PTPRZ1: variants seen among roughly 807,000 people sequenced by gnomAD.
PTPRZ1 encodes receptor-type tyrosine-protein phosphatase zeta.
A neutral mutation model predicts 214.1 loss-of-function variants in PTPRZ1; 82 were observed. The observed-to-expected ratio is 0.38, with a 90% CI of 0.32 to 0.46. PTPRZ1 has a LOEUF of 0.46. PTPRZ1 is among the 20% of genes least tolerant of loss of function. PTPRZ1 has a pLI of 1.00. For synonymous variants in PTPRZ1, 945 were observed against 987.9 expected (o/e 0.96, Z 0.81); for missense variants, 2,603 against 2,748.7 (o/e 0.95, Z 1.19).
rs748268551 is a variant in PTPRZ1, at chr7:122,040,824, G to A, written c.5646G>A (p.Gln1882=). Residue 1882 remains glutamine, a synonymous_variant, in exon 21 of 30, where the codon CAG becomes CAA. Transcript: ENST00000393386. ...LRNTKIKKGS[Q]KGRPSGRVVT... ...TGTCTGAACTTTTCCAGGGCTCCCA[G>A]AAAGGAAGACCCAGTGGACGTGTGG... 5.8e-6 allele frequency: 9 copies of A among 1,556,956 alleles called. No individual in the cohort carries two copies. The highest frequency in any genetic ancestry group is 7.9e-6 in the Non-Finnish European group (9 of 1,145,836).
intron 2 of PTPRZ1, among the ~76,000 whole-genome samples, chr7:121,955,429 C>CTTTGTTTGTTTGTTTGTTTG (rs71172155): frequency 1.3e-5 from 2 of 150,488 alleles, no homozygotes; most frequent in Non-Finnish European, 3.0e-5. Context: ...TCCACCAGGG[C>CTTTGTTTGTTTGTTTGTTTG]TTTGTTTGTT....
intron 6 of PTPRZ1, among the ~76,000 whole-genome samples, chr7:121,980,694 A>G (rs1373062334): frequency 3.9e-5 from 6 of 152,270 alleles, no homozygotes; most frequent in African/African-American, 1.2e-4. Flanking sequence ...AGTTTCTGTT[A>G]CAGAAAAGTT....
chr7:121,886,182 T>C (rs891852903), intron 1 of PTPRZ1, among the ~76,000 whole-genome samples: 9 of 152,068 alleles, frequency 5.9e-5, no homozygotes, highest in African/African-American at 2.2e-4. Context: ...GTGGAAGTAA[T>C]TATGCTTGAT....
intron 11 of PTPRZ1, among the ~76,000 whole-genome samples, chr7:122,005,914 G>A (rs1217622979): frequency 6.6e-6 from 1 of 151,878 alleles, no homozygotes; most frequent in Admixed American, 6.6e-5. Flanking sequence ...CACGATCCAT[G>A]CTTAGTTACT....
chr7:122,009,326 A>G (rs1798577517), intron 11 of PTPRZ1, among the ~76,000 whole-genome samples: 1 of 151,992 alleles, frequency 6.6e-6, no homozygotes, highest in African/African-American at 2.4e-5. Flanking sequence ...CAAGTTCTCA[A>G]TGGCTGTACT....
chr7:121,903,375 G>A (rs902878318), intron 1 of PTPRZ1, among the ~76,000 whole-genome samples: 6 of 151,950 alleles, frequency 3.9e-5, no homozygotes, highest in Admixed American at 6.6e-5. Flanking sequence ...TTCATTATTT[G>A]TACAATGAAA....
chr7:121,971,689 C>A (rs1156917576), intron 3 of PTPRZ1, among the ~76,000 whole-genome samples: 2 of 152,088 alleles, frequency 1.3e-5, no homozygotes, highest in African/African-American at 4.8e-5. Flanking sequence ...CATGGTACAT[C>A]GTAAGTGATA....
intron 1 of PTPRZ1, among the ~76,000 whole-genome samples, chr7:121,917,241 G>T (rs574848551): frequency 6.6e-6 from 1 of 152,332 alleles, no homozygotes; most frequent in East Asian, 1.9e-4. Context: ...AGCAAAATCA[G>T]TGATGAATAT....
At chr7:121,919,020 C>G (rs1002360280) in intron 1 of PTPRZ1, among the ~76,000 whole-genome samples, 2 of 151,846 alleles carry the variant, frequency 1.3e-5, no homozygotes, top group Admixed American at 1.3e-4. Context: ...TCATGTTAAT[C>G]TCTGTTAATC....
chr7:122,056,071 G>A (rs1406568991), intron 27 of PTPRZ1, among the ~76,000 whole-genome samples: 1 of 151,838 alleles, frequency 6.6e-6, no homozygotes, highest in African/African-American at 2.4e-5. Flanking sequence ...TAAGGTCCCT[G>A]AGAGCTCTTA....
At chr7:121,876,224 T>A (rs1211103038) in intron 1 of PTPRZ1, among the ~76,000 whole-genome samples, 1 of 152,188 alleles carries the variant, frequency 6.6e-6, no homozygotes, top group African/African-American at 2.4e-5. Flanking sequence ...CTTGACCCAC[T>A]GAACAGGTGT....
chr7:122,026,061 G>A (rs376737596), intron 13 of PTPRZ1, among the ~76,000 whole-genome samples: 5 of 152,160 alleles, frequency 3.3e-5, no homozygotes, highest in African/African-American at 4.8e-5. Flanking sequence ...ATATGAACCC[G>A]TTAGAGCTGT....
chr7:121,903,086 A>G (rs890728962), intron 1 of PTPRZ1, among the ~76,000 whole-genome samples: 1 of 152,168 alleles, frequency 6.6e-6, no homozygotes, highest in Non-Finnish European at 1.5e-5. Flanking sequence ...TGCTGGGAAT[A>G]TAGAGGAGAA....
At chr7:122,018,539 A>C (rs1331913478) in intron 12 of PTPRZ1, among the ~76,000 whole-genome samples, 1 of 151,926 alleles carries the variant, frequency 6.6e-6, no homozygotes, top group Non-Finnish European at 1.5e-5. Flanking sequence ...AGAATAAAAC[A>C]ATGGGTAAGA....
chr7:121,935,006 G>A (rs896818995), intron 2 of PTPRZ1, among the ~76,000 whole-genome samples: 6 of 152,094 alleles, frequency 3.9e-5, no homozygotes, highest in Admixed American at 1.3e-4. Flanking sequence ...GTGAGGTAAC[G>A]TATATTTGAA....
intron 11 of PTPRZ1, among the ~76,000 whole-genome samples, chr7:122,009,068 T>A (rs184506410): frequency 4.7e-4 from 72 of 152,270 alleles, no homozygotes; most frequent in African/African-American, 1.6e-3. Flanking sequence ...AGGAAATTTT[T>A]CAAGGGAATC....
At chr7:121,908,896 A>C (rs1795192378) in intron 1 of PTPRZ1, 1 of 513,238 alleles carries the variant, frequency 1.9e-6, no homozygotes, top group South Asian at 1.4e-5. Context: ...TTTTTATTGA[A>C]TATTCATTGG....
chr7:122,060,390 G>A lies in PTPRZ1; in HGVS notation c.6807+502G>A, dbSNP rs58952576. On this transcript the variant is annotated intron_variant, in intron 29 of 29. Transcript: ENST00000393386. ...GCGAAAGCATTTAATTATGCACTGC[G>A]TCACATGTAGGCCTCATGGTTTTCG... 3.3e-5 allele frequency among the ~76,000 whole-genome samples: 5 copies of A among 152,286 alleles called. No individual in the cohort carries two copies. In the East Asian group the frequency reaches 5.8e-4, roughly 18 times the overall value.
At chr7:121,980,445 C>T (rs1380909259) in intron 6 of PTPRZ1, among the ~76,000 whole-genome samples, 1 of 152,132 alleles carries the variant, frequency 6.6e-6, no homozygotes, top group Non-Finnish European at 1.5e-5. Flanking sequence ...AATCTGAATT[C>T]TGATCATGTT....
Sources: gnomAD v4.1 joint callset for allele counts (sites outside exome capture counted in the v4.1 genomes callset) on GRCh38, gnomAD v4.1.1 for gene constraint, MANE v1.5 for transcripts, NCBI Gene and HGNC (gene_info 2026-07-23, HGNC 2026-07-21) for gene names.